The following AKAP6 variants were observed in gnomAD, a reference collection of about 807,000 sequenced individuals.
The protein encoded by AKAP6 is A-kinase anchoring protein 6.
In AKAP6, 58 loss-of-function variants were observed where a neutral mutation model predicts 188.5. The observed-to-expected ratio is 0.31, with a 90% CI of 0.25 to 0.38. The LOEUF (loss-of-function observed/expected upper bound fraction) is 0.38, where lower values mean the gene tolerates loss of function less well. AKAP6 is among the 10% of genes least tolerant of loss of function. The pLI, the probability that AKAP6 is intolerant of heterozygous loss-of-function variation, is 1.00. For missense variants in AKAP6, 2,710 were observed against 2,740.0 expected, an observed-to-expected ratio of 0.99 and a Z score of 0.24; for synonymous variants, 989 against 998.6, an observed-to-expected ratio of 0.99 and a Z score of 0.18.
chr14:32,772,628 G>A (rs1013564911), intron 11 of AKAP6, among the ~76,000 whole-genome samples: 6 of 152,152 alleles, frequency 3.9e-5, no homozygotes, highest in East Asian at 1.9e-4. Flanking sequence ...ACATTTCAGC[G>A]CACCACACTT....
chr14:32,530,453 G>A (rs1160888425), intron 2 of AKAP6, among the ~76,000 whole-genome samples: 1 of 152,128 alleles, frequency 6.6e-6, no homozygotes, highest in Admixed American at 6.5e-5. Context: ...GATGTTGCTG[G>A]GAGGGCAGAC....
rs558147943 is a variant in AKAP6 at position 32,832,882 on chromosome 14, G to C, written c.*3077G>C. ...TGCCCTTCATATGTCATGGTTTTCA[G>C]ATCCATTCCAACCTGACTGAATGTT... On this transcript the variant is annotated 3_prime_UTR_variant, in exon 14 of 14. Transcript: ENST00000280979. 20 of 152,684 alleles carry C rather than the reference G, an allele frequency of 1.3e-4. No individual in the cohort carries two copies. Among genetic ancestry groups the C allele is most frequent in the African/African-American group, 4.8e-4 (20 of 41,532 alleles). The allele number at this position is 152,684 out of a possible 1,614,324, so 9.5% of individuals were successfully genotyped here. A position where few individuals can be genotyped will look rare whatever the true frequency, so the allele number is the denominator to read the frequency against.
chr14:32,553,950 G>A (rs1356993740), intron 4 of AKAP6, among the ~76,000 whole-genome samples: 2 of 152,086 alleles, frequency 1.3e-5, no homozygotes, highest in Non-Finnish European at 2.9e-5. Context: ...GTCAAGTAAT[G>A]GAAACAGACA....
At chr14:32,638,761 A>T in intron 7 of AKAP6, among the ~76,000 whole-genome samples, 1 of 152,052 alleles carries the variant, frequency 6.6e-6, no homozygotes, top group East Asian at 1.9e-4. Context: ...GGTGGTATAG[A>T]ATGAACAGAA....
chr14:32,801,052 A>G (rs2033933882), intron 12 of AKAP6, among the ~76,000 whole-genome samples: 1 of 152,136 alleles, frequency 6.6e-6, no homozygotes, highest in South Asian at 2.1e-4. Context: ...GAGTTTGTAT[A>G]GACAGCATAT....
chr14:32,342,437 G>A (rs561007033), intron 1 of AKAP6, among the ~76,000 whole-genome samples: 3 of 152,244 alleles, frequency 2.0e-5, no homozygotes, highest in East Asian at 3.9e-4. Flanking sequence ...CTAAGTGACT[G>A]GGATTTGGTA....
chr14:32,367,173 G>A lies in AKAP6; in HGVS notation c.-35+37765G>A, dbSNP rs75198500. On this transcript the variant is annotated intron_variant, in intron 1 of 13. Transcript: ENST00000280979. ...ACCCACTTCTTCAGACTTGGCAGCT[G>A]GGAATTTCTTTCTTGCTCCACTAAG... 1.5e-4 allele frequency among the ~76,000 whole-genome samples: 23 copies of A among 152,280 alleles called. No homozygotes were observed. The East Asian group carries it at 4.4e-3, about 29-fold the overall frequency.
At chr14:32,600,549 C>T in intron 6 of AKAP6, 80 bp from the exon 7 acceptor site, 1 of 1,346,410 alleles carries the variant, frequency 7.4e-7, no homozygotes, top group Non-Finnish European at 9.9e-7. Flanking sequence ...TTAAAATAGC[C>T]ATCTAATTTA....
chr14:32,755,146 C>T (rs1261578175), intron 11 of AKAP6, among the ~76,000 whole-genome samples: 2 of 152,148 alleles, frequency 1.3e-5, no homozygotes, highest in East Asian at 3.8e-4. Context: ...CATTGGTTCA[C>T]TTGGTGTGGC....
At chr14:32,578,883 C>T (rs1248747363) in intron 5 of AKAP6, among the ~76,000 whole-genome samples, 1 of 151,966 alleles carries the variant, frequency 6.6e-6, no homozygotes, top group African/African-American at 2.4e-5. Context: ...CTCTCTTTTT[C>T]AAATACAGTA....
At position 32,824,801 on chromosome 14, in the gene AKAP6, T is replaced by C. The variant is rs1202871750; in HGVS notation, c.*28T>C. On this transcript the variant is annotated 3_prime_UTR_variant, in exon 13 of 14. Coordinates refer to ENST00000280979, the MANE Select transcript of AKAP6 (RefSeq NM_004274.5). ...TGTACCCCCTCCCCAAGCATGAAAATCATCTCACTGAAAGGTACGTATAGT... is the reference window on the plus strand; with the variant it reads ...TGTACCCCCTCCCCAAGCATGAAAACCATCTCACTGAAAGGTACGTATAGT... 2 of 1,590,424 alleles carry C rather than the reference T, an allele frequency of 1.3e-6. No individual in the cohort carries two copies. The highest frequency in any genetic ancestry group is 1.7e-6 in the Non-Finnish European group (2 of 1,170,400).
intron 7 of AKAP6, among the ~76,000 whole-genome samples, chr14:32,670,040 T>A (rs950407111): frequency 6.7e-6 from 1 of 149,710 alleles, no homozygotes; most frequent in African/African-American, 2.5e-5. Context: ...GAGGTTGCAA[T>A]GAGCCAAGAT....
At chr14:32,432,241 G>A (rs1052072579) in intron 1 of AKAP6, among the ~76,000 whole-genome samples, 9 of 152,032 alleles carry the variant, frequency 5.9e-5, no homozygotes, top group Non-Finnish European at 1.2e-4. Flanking sequence ...TCATTGCCTT[G>A]AGTAGAAGAA....
chr14:32,420,900 G>A (rs1345149532), intron 1 of AKAP6, among the ~76,000 whole-genome samples: 1 of 79,978 alleles, frequency 1.3e-5, no homozygotes, highest in African/African-American at 5.2e-5. Flanking sequence ...AAGTGTGCAG[G>A]AGATTGATTT....
At chr14:32,332,942 A>C (rs1351190893) in intron 1 of AKAP6, among the ~76,000 whole-genome samples, 1 of 152,122 alleles carries the variant, frequency 6.6e-6, no homozygotes, top group Non-Finnish European at 1.5e-5. Context: ...ATCCCCAGCT[A>C]TCCACGCCCA....
chr14:32,829,128 C>A (rs890377308), intron 13 of AKAP6, among the ~76,000 whole-genome samples: 6 of 152,170 alleles, frequency 3.9e-5, no homozygotes, highest in African/African-American at 1.4e-4. Context: ...CACATTTGAC[C>A]AGTTGCTTTT....
Position 32,775,588 on chromosome 14 carries a change from A to T in AKAP6, c.3588+1695A>T, listed in dbSNP as rs531347023. Reference sequence around the variant, plus strand: ...GCTAGGACTACAGGCATGTGTCAGCATGTCTGCCTAATTTTTATTTTACTT... The same window carrying T: ...GCTAGGACTACAGGCATGTGTCAGCTTGTCTGCCTAATTTTTATTTTACTT... On this transcript the variant is annotated intron_variant, in intron 12 of 13. Transcript: ENST00000280979. Among the ~76,000 whole-genome samples the T allele has an allele frequency of 1.3e-5, 2 of 152,138 alleles. 1 individual carries two copies. The highest frequency in any genetic ancestry group is 1.3e-4 in the Admixed American group (2 of 15,266).
chr14:32,764,070 T>A (rs2139956452), intron 11 of AKAP6, among the ~76,000 whole-genome samples: 1 of 152,320 alleles, frequency 6.6e-6, no homozygotes, highest in South Asian at 2.1e-4. Context: ...ATGTTGATAA[T>A]CACTTGCCTA....
At position 32,803,280 on chromosome 14, in the gene AKAP6, T is replaced by TAAA. The variant is rs751626513; in HGVS notation, c.3589-18113_3589-18111dup. Among the ~76,000 whole-genome samples the TAAA allele has an allele frequency of 2.1e-4, 24 of 116,296 alleles. 1 individual carries two copies. The highest frequency in any genetic ancestry group is 5.4e-4 in the African/African-American group (19 of 35,262). 76.3% of individuals were successfully genotyped at this position (116,296 alleles called of 152,430 possible). On this transcript the variant is annotated intron_variant, in intron 12 of 13. Transcript: ENST00000280979. ...CCAACATGGGGAAACCCCGTCTCTA[T>TAAA]AAAAAAAAAAACAAAACAAATATTT...
Sources: allele counts gnomAD v4.1 joint callset (sites outside exome capture counted in the v4.1 genomes callset), GRCh38; gene constraint gnomAD v4.1.1; transcripts MANE v1.5; gene names NCBI Gene and HGNC (gene_info 2026-07-23, HGNC 2026-07-21).